BNC2: variants seen among roughly 807,000 people sequenced by gnomAD.
The protein encoded by BNC2 is basonuclin zinc finger protein 2.
BNC2 carries 20 observed loss-of-function variants against 76.3 expected under a neutral mutation model. The observed-to-expected ratio is 0.26, with a 90% CI of 0.18 to 0.38. BNC2 has a LOEUF of 0.38. Ranked by LOEUF, BNC2 falls within the 10% of genes least tolerant of loss-of-function variation. BNC2 has a pLI of 1.00. For synonymous variants in BNC2, 582 were observed against 514.8 expected, an observed-to-expected ratio of 1.13 and a Z score of -1.77; for missense variants, 1,382 against 1,399.8, an observed-to-expected ratio of 0.99 and a Z score of 0.20.
chr9:16,563,078 C>A (rs928361955), intron 4 of BNC2, among the ~76,000 whole-genome samples: 2 of 152,098 alleles, frequency 1.3e-5, no homozygotes, highest in African/African-American at 2.4e-5. Flanking sequence ...AAAATTAAGT[C>A]AAATTTGTCA....
intron 5 of BNC2, among the ~76,000 whole-genome samples, chr9:16,530,904 T>C (rs1003871854): frequency 1.3e-5 from 2 of 152,082 alleles, no homozygotes; most frequent in African/African-American, 4.8e-5. Flanking sequence ...TCACGGTGCC[T>C]GATAATTATG....
At chr9:16,437,553 G>A (rs192781371) in intron 5 of BNC2, 29 bp from the exon 6 acceptor site, 355 of 1,605,478 alleles carry the variant, frequency 2.2e-4, no homozygotes, top group Admixed American at 1.4e-3. Context: ...AAACAACAAA[G>A]ACAAACACAA....
At chr9:16,779,741 T>C (rs1826071554) in intron 1 of BNC2, among the ~76,000 whole-genome samples, 1 of 152,074 alleles carries the variant, frequency 6.6e-6, no homozygotes, top group South Asian at 2.1e-4. Flanking sequence ...GTACCACATA[T>C]AGTATAATTC....
chr9:16,797,776 G>A (rs1005452172), intron 1 of BNC2, among the ~76,000 whole-genome samples: 3 of 151,952 alleles, frequency 2.0e-5, no homozygotes, highest in Admixed American at 2.0e-4. Flanking sequence ...ACCAAAAGTT[G>A]CCCAGGGCAA....
chr9:16,754,649 C>G (rs930565773), intron 1 of BNC2, among the ~76,000 whole-genome samples: 8 of 152,156 alleles, frequency 5.3e-5, no homozygotes, highest in South Asian at 2.1e-4. Flanking sequence ...GCTCCACCTC[C>G]CAGGTTCAAG....
intron 3 of BNC2, among the ~76,000 whole-genome samples, chr9:16,712,105 A>C (rs955102689): frequency 1.3e-5 from 2 of 152,212 alleles, no homozygotes; most frequent in African/African-American, 4.8e-5. Context: ...TGTGTACAAA[A>C]AATTATATCA....
chr9:16,453,482 C>G (rs1821383663), intron 5 of BNC2, among the ~76,000 whole-genome samples: 1 of 152,178 alleles, frequency 6.6e-6, no homozygotes, highest in African/African-American at 2.4e-5. Flanking sequence ...TCTCTTTATA[C>G]CTATTCTCCC....
At chr9:16,621,275 C>T (rs1240191565) in intron 3 of BNC2, among the ~76,000 whole-genome samples, 1 of 152,112 alleles carries the variant, frequency 6.6e-6, no homozygotes, top group African/African-American at 2.4e-5. Context: ...CAGTCCAGGG[C>T]AGCACCAGGG....
At chr9:16,667,565 T>C (rs1165305637) in intron 3 of BNC2, among the ~76,000 whole-genome samples, 1 of 152,212 alleles carries the variant, frequency 6.6e-6, no homozygotes, top group Admixed American at 6.5e-5. Flanking sequence ...GAGCAAATAA[T>C]ACTTTCAACT....
intron 1 of BNC2, among the ~76,000 whole-genome samples, chr9:16,811,726 G>A (rs907440365): frequency 6.6e-6 from 1 of 152,098 alleles, no homozygotes; most frequent in African/African-American, 2.4e-5. Context: ...TGCATGTGGA[G>A]GCACTCCAAA....
At chr9:16,644,569 T>G (rs1249919874) in intron 3 of BNC2, among the ~76,000 whole-genome samples, 1 of 152,182 alleles carries the variant, frequency 6.6e-6, no homozygotes, top group Non-Finnish European at 1.5e-5. Flanking sequence ...AATGTTCATC[T>G]TTTTCTTTAA....
intron 5 of BNC2, among the ~76,000 whole-genome samples, chr9:16,457,167 A>G (rs758842880): frequency 3.3e-5 from 5 of 152,238 alleles, no homozygotes; most frequent in Non-Finnish European, 4.4e-5. Flanking sequence ...TTCACTGACT[A>G]AACTCAATGA....
intron 4 of BNC2, among the ~76,000 whole-genome samples, chr9:16,578,625 T>G (rs1273607056): frequency 6.6e-6 from 1 of 151,416 alleles, no homozygotes; most frequent in Non-Finnish European, 1.5e-5. Context: ...ATTGCTACTC[T>G]AGTGTGGAGG....
At chr9:16,697,371 A>G (rs942185213) in intron 3 of BNC2, among the ~76,000 whole-genome samples, 13 of 151,844 alleles carry the variant, frequency 8.6e-5, no homozygotes, top group African/African-American at 2.9e-4. Flanking sequence ...AAATTAATTA[A>G]TTAATTAAAG....
At chr9:16,618,443 G>C (rs542703457) in intron 3 of BNC2, among the ~76,000 whole-genome samples, 1 of 152,134 alleles carries the variant, frequency 6.6e-6, no homozygotes, top group Admixed American at 6.6e-5. Context: ...AAGCTATATC[G>C]AGCATGGCCA....
intron 1 of BNC2, among the ~76,000 whole-genome samples, chr9:16,868,598 TCAAAA>T (rs1819599531): frequency 6.6e-6 from 1 of 152,222 alleles, no homozygotes; most frequent in Non-Finnish European, 1.5e-5. Flanking sequence ...CAAAAGATAC[TCAAAA>T]CAAAGTTCAG....
intron 3 of BNC2, among the ~76,000 whole-genome samples, chr9:16,677,606 C>CACACAG (rs1455196025): frequency 2.0e-5 from 3 of 151,400 alleles, no homozygotes; most frequent in Admixed American, 6.6e-5. Context: ...CACACACACA[C>CACACAG]AGTAGCAATA....
At chr9:16,445,827 T>G (rs1821220793) in intron 5 of BNC2, among the ~76,000 whole-genome samples, 1 of 152,196 alleles carries the variant, frequency 6.6e-6, no homozygotes, top group South Asian at 2.1e-4. Context: ...TAGAGATAGG[T>G]GTATACCAGC....
intron 5 of BNC2, among the ~76,000 whole-genome samples, chr9:16,538,601 A>G (rs1033774056): frequency 6.6e-6 from 1 of 152,256 alleles, no homozygotes; most frequent in Admixed American, 6.5e-5. Context: ...AGGAATGGGA[A>G]GGAAATATAT....
Sources: allele counts gnomAD v4.1 joint callset (sites outside exome capture counted in the v4.1 genomes callset), GRCh38; gene constraint gnomAD v4.1.1; transcripts MANE v1.5; gene names NCBI Gene and HGNC (gene_info 2026-07-23, HGNC 2026-07-21).